RAD51B: variants seen among roughly 807,000 people sequenced by gnomAD.
RAD51B encodes RAD51 paralog B.
RAD51B carries 38 observed loss-of-function variants against 42.2 expected under a neutral mutation model. The ratio of observed to expected loss-of-function variants is 0.90; its 90% confidence interval spans 0.70 to 1.18. The LOEUF (loss-of-function observed/expected upper bound fraction) is 1.18, where lower values mean the gene tolerates loss of function less well. Ranked by LOEUF, RAD51B falls within the 50% of genes most tolerant of loss-of-function variation. The probability of loss-of-function intolerance (pLI) is 0.00; values close to 1 mark genes in which losing one functional copy is unlikely to be tolerated. For missense variants in RAD51B, 373 were observed against 400.7 expected (o/e 0.93, Z 0.59); for synonymous variants, 154 against 145.2 (o/e 1.06, Z -0.43).
At chr14:67,984,105 A>G (rs967735522) in intron 7 of RAD51B, among the ~76,000 whole-genome samples, 2 of 151,824 alleles carry the variant, frequency 1.3e-5, no homozygotes, top group East Asian at 1.9e-4. Context: ...CACCCAGCTA[A>G]TATTTGTATT....
intron 7 of RAD51B, among the ~76,000 whole-genome samples, chr14:68,179,217 T>G (rs1211939340): frequency 6.6e-6 from 1 of 152,198 alleles, no homozygotes; most frequent in Non-Finnish European, 1.5e-5. Flanking sequence ...TGCGCTAGTA[T>G]GCGGCAGATG....
At chr14:67,991,379 G>A (rs1000341362) in intron 7 of RAD51B, among the ~76,000 whole-genome samples, 2 of 152,174 alleles carry the variant, frequency 1.3e-5, no homozygotes, top group Non-Finnish European at 2.9e-5. Context: ...ACTTTGTGGA[G>A]ATTAACCTAA....
At position 68,411,503 on chromosome 14, in the gene RAD51B, G is replaced by A. The variant is rs745591032; in HGVS notation, c.933G>A (p.Gln311=). 5.6e-6 allele frequency: 9 copies of A among 1,614,106 alleles called. No individual in the cohort carries two copies. The highest frequency in any genetic ancestry group is 1.7e-5 in the Admixed American group (1 of 59,994). The change falls in exon 9 of 11, where the codon CAG becomes CAA. Residue 311 remains glutamine, a synonymous_variant. Coordinates refer to ENST00000471583, the MANE Select transcript of RAD51B (RefSeq NM_133510.4). ...SHSVNTRLIL[Q]YLDSERRQIL... is the part of the protein sequence containing the mutation. ...GTGTGAATACCCGGCTGATCCTCCA[G>A]TACCTTGATTCAGAGAGAAGACAGG...
At chr14:68,595,289 A>G in exon 11 of RAD51B, 1 of 1,065,600 alleles carries the variant, frequency 9.4e-7, no homozygotes, top group Non-Finnish European at 1.1e-6. Context: ...TGCTAAAGGC[A>G]TTTCGCTTCC....
At chr14:68,526,904 G>A (rs925732590) in intron 10 of RAD51B, among the ~76,000 whole-genome samples, 1 of 152,180 alleles carries the variant, frequency 6.6e-6, no homozygotes, top group Non-Finnish European at 1.5e-5. Flanking sequence ...TTTGGACAGA[G>A]GCCACTCACA....
At chr14:68,079,878 T>C (rs939614010) in intron 7 of RAD51B, among the ~76,000 whole-genome samples, 2 of 152,208 alleles carry the variant, frequency 1.3e-5, no homozygotes, top group Non-Finnish European at 2.9e-5. Flanking sequence ...AACATACAAA[T>C]CTCCTGGAAG....
intron 9 of RAD51B, among the ~76,000 whole-genome samples, chr14:68,450,113 T>C (rs535692702): frequency 2.6e-5 from 4 of 151,728 alleles, no homozygotes; most frequent in Non-Finnish European, 4.4e-5. Flanking sequence ...CTGTGTGTCA[T>C]TCCAGGAGGC....
At chr14:68,312,672 A>G (rs1276232546) in intron 8 of RAD51B, among the ~76,000 whole-genome samples, 1 of 152,190 alleles carries the variant, frequency 6.6e-6, no homozygotes, top group Admixed American at 6.5e-5. Flanking sequence ...TACCAGCATA[A>G]TTATCAAACT....
intron 7 of RAD51B, among the ~76,000 whole-genome samples, chr14:68,278,033 G>A (rs1380333883): frequency 6.6e-6 from 1 of 152,204 alleles, no homozygotes; most frequent in Admixed American, 6.5e-5. Flanking sequence ...GTGAGCCACT[G>A]CGACCAGCCA....
At position 68,376,625 on chromosome 14, in the gene RAD51B, C is replaced by CT. The variant is rs59814053; in HGVS notation, c.854-34799_854-34798insT. 8.9e-3 allele frequency among the ~76,000 whole-genome samples: 1,354 copies of CT among 152,284 alleles called. 21 individuals are homozygous for CT. Among genetic ancestry groups the CT allele is most frequent in the African/African-American group, 0.032 (1,314 of 41,536 alleles). On this transcript the variant is annotated intron_variant, in intron 8 of 10. Transcript: ENST00000471583. ...AGGGACCCAAGTGGGGTGACTTGTACCGCATTCCTCCCTGGTATTCAGAGA... is the reference window on the plus strand; with the variant it reads ...AGGGACCCAAGTGGGGTGACTTGTACTCGCATTCCTCCCTGGTATTCAGAGA...
intron 4 of RAD51B, 21 bp downstream of exon 4, chr14:67,835,217 A>T (rs1248555766): frequency 1.3e-6 from 2 of 1,538,972 alleles, no homozygotes; most frequent in Admixed American, 3.4e-5. Context: ...AATTTTTCGT[A>T]CCTTCTTCCA....
In RAD51B at chr14:67,932,558, AGGT is replaced by A. The variant is rs1199515684; in HGVS notation, c.756+45363_756+45365del. Reference sequence around the variant, plus strand: ...CCCCAGGTGGCTTGCTCAGATGCTGAGGTGGTGGTGGCAGAGGTGGGGTGGGCA... The same window carrying A: ...CCCCAGGTGGCTTGCTCAGATGCTGAGGTGGTGGCAGAGGTGGGGTGGGCA... On this transcript the variant is annotated intron_variant, in intron 7 of 10. Transcript: ENST00000471583. Among the ~76,000 whole-genome samples, 3 of 152,020 alleles carry A rather than the reference AGGT, an allele frequency of 2.0e-5. No homozygotes were observed. The East Asian group carries it at 5.8e-4, about 29-fold the overall frequency.
At chr14:68,036,585 G>A (rs763090682) in intron 7 of RAD51B, among the ~76,000 whole-genome samples, 9 of 152,098 alleles carry the variant, frequency 5.9e-5, no homozygotes, top group Non-Finnish European at 1.2e-4. Context: ...TTTATACTTA[G>A]AAGGAATTTT....
chr14:68,168,440 A>C (rs889068299), intron 7 of RAD51B, among the ~76,000 whole-genome samples: 6 of 152,194 alleles, frequency 3.9e-5, no homozygotes, highest in African/African-American at 1.4e-4. Context: ...TATAGATCTT[A>C]GATATAAATT....
At chr14:67,961,767 A>G (rs2074673227) in intron 7 of RAD51B, among the ~76,000 whole-genome samples, 1 of 152,198 alleles carries the variant, frequency 6.6e-6, no homozygotes, top group Non-Finnish European at 1.5e-5. Context: ...TATGTATACA[A>G]CATTTAAATT....
chr14:68,372,072 T>C lies in RAD51B; in HGVS notation c.854-39352T>C, dbSNP rs2083276406. 2.6e-5 allele frequency among the ~76,000 whole-genome samples: 4 copies of C among 152,270 alleles called. No individual in the cohort carries two copies. The South Asian group carries it at 8.3e-4, about 32-fold the overall frequency. On this transcript the variant is annotated intron_variant, in intron 8 of 10. Transcript: ENST00000471583. ...AGGTGGGAAGAAATCCATGAGAGTG[T>C]GCTTTTTCTGGAAGCCAAGTGAAGC...
At chr14:68,502,546 G>A (rs1447328287) in intron 10 of RAD51B, among the ~76,000 whole-genome samples, 1 of 152,198 alleles carries the variant, frequency 6.6e-6, no homozygotes, top group Non-Finnish European at 1.5e-5. Flanking sequence ...AAAAGAAAAG[G>A]GAGGGAATCA....
chr14:68,603,164 A>G lies in RAD51B; in HGVS notation c.1037-7842A>G, dbSNP rs894262523. On this transcript the variant is annotated intron_variant, in intron 10 of 10. Transcript: ENST00000487861. Reference sequence around the variant, plus strand: ...CATCTCTAATCCCCCATAGTACCCAATGGAGTGCCTTATATGGATTAGGCC... The same window carrying G: ...CATCTCTAATCCCCCATAGTACCCAGTGGAGTGCCTTATATGGATTAGGCC... Among the ~76,000 whole-genome samples the G allele has an allele frequency of 2.6e-5, 4 of 152,140 alleles. No homozygotes were observed. In the East Asian group the frequency reaches 5.8e-4, roughly 22 times the overall value.
At chr14:68,468,327 G>A (rs1370863374) in intron 10 of RAD51B, 77 bp downstream of exon 10, 2 of 1,413,196 alleles carry the variant, frequency 1.4e-6, no homozygotes, top group East Asian at 4.6e-5. Flanking sequence ...TAGTGCTATG[G>A]TTCTGATAGA....
Sources: allele counts gnomAD v4.1 joint callset (sites outside exome capture counted in the v4.1 genomes callset), GRCh38; gene constraint gnomAD v4.1.1; transcripts MANE v1.5; gene names NCBI Gene and HGNC (gene_info 2026-07-23, HGNC 2026-07-21).